ACBD6: variants seen among roughly 807,000 people sequenced by gnomAD.
ACBD6 encodes the protein acyl-CoA-binding domain-containing protein 6.
Under a neutral mutation model 37.2 loss-of-function variants are expected in ACBD6, and 28 were observed. That is an observed-to-expected ratio of 0.75 (90% CI 0.56 to 1.03). The LOEUF (loss-of-function observed/expected upper bound fraction) is 1.03. Ranked by LOEUF, ACBD6 falls within the 50% of genes least tolerant of loss-of-function variation. The probability of loss-of-function intolerance (pLI) is 0.00; values close to 1 mark genes in which losing one functional copy is unlikely to be tolerated. For missense variants in ACBD6, 340 were observed against 337.4 expected, an observed-to-expected ratio of 1.01 and a Z score of -0.06; for synonymous variants, 113 against 126.8, an observed-to-expected ratio of 0.89 and a Z score of 0.73.
chr1:180,445,612 TA>T (rs1406866870), intron 3 of ACBD6, among the ~76,000 whole-genome samples: 2 of 152,082 alleles, frequency 1.3e-5, no homozygotes, highest in Admixed American at 6.5e-5. Flanking sequence ...TCAAAAATAT[TA>T]AAAACTGAAT....
intron 5 of ACBD6, among the ~76,000 whole-genome samples, chr1:180,408,509 G>A (rs2101966893): frequency 6.6e-6 from 1 of 152,142 alleles, no homozygotes; most frequent in East Asian, 1.9e-4. Context: ...TCACACTCTG[G>A]GGACTGTTGT....
At chr1:180,351,536 A>G (rs6687873) in intron 6 of ACBD6, among the ~76,000 whole-genome samples, 142,013 of 150,632 alleles carry the variant, frequency 0.94, 66,983 homozygotes, top group East Asian at 0.98. Flanking sequence ...GCCTCCCAAA[A>G]TGCTGGAATT....
intron 11 of ACBD6, chr1:180,273,897 G>C (rs543714610): frequency 1.5e-5 from 7 of 463,474 alleles, no homozygotes; most frequent in Middle Eastern, 5.9e-4. Flanking sequence ...AGTGTAGCCA[G>C]AGTATTAGTA....
intron 5 of ACBD6, among the ~76,000 whole-genome samples, chr1:180,400,045 A>G (rs1647291621): frequency 6.6e-6 from 1 of 152,160 alleles, no homozygotes; most frequent in African/African-American, 2.4e-5. Context: ...ACGTTCCTGA[A>G]TTTTCCTTAG....
intron 4 of ACBD6, among the ~76,000 whole-genome samples, chr1:180,416,672 A>T (rs1234575935): frequency 1.3e-5 from 2 of 152,188 alleles, no homozygotes; most frequent in Non-Finnish European, 2.9e-5. Context: ...TCCTGAAGGA[A>T]TAATCACTGG....
In ACBD6 at chr1:180,452,072, G is replaced by A. The variant is rs1298572215; in HGVS notation, c.385-21810C>T. 7.9e-5 allele frequency among the ~76,000 whole-genome samples: 12 copies of A among 152,202 alleles called. No homozygotes were observed. The East Asian group carries it at 9.6e-4, about 12-fold the overall frequency. On this transcript the variant is annotated intron_variant, in intron 3 of 7. Transcript: ENST00000367595. Reference sequence around the variant, plus strand: ...AAAACAGTGAGAACAAAGACACAACGTACCAAAATCTCTGGGACACAGCTA... The same window carrying A: ...AAAACAGTGAGAACAAAGACACAACATACCAAAATCTCTGGGACACAGCTA...
At chr1:180,293,747 T>C (rs576945553) in intron 7 of ACBD6, among the ~76,000 whole-genome samples, 1 of 152,306 alleles carries the variant, frequency 6.6e-6, no homozygotes, top group Non-Finnish European at 1.5e-5. Flanking sequence ...TATTTTTGTT[T>C]TTTTTTAAGA....
intron 6 of ACBD6, among the ~76,000 whole-genome samples, chr1:180,343,392 A>G (rs1652052886): frequency 6.6e-6 from 1 of 152,216 alleles, no homozygotes; most frequent in African/African-American, 2.4e-5. Context: ...AGGAAAGGCA[A>G]GAAGTACCCA....
intron 6 of ACBD6, among the ~76,000 whole-genome samples, chr1:180,383,467 A>C (rs1653735360): frequency 1.3e-5 from 2 of 152,172 alleles, no homozygotes. Flanking sequence ...CCTGGGAATA[A>C]ATTTAACCAA....
At chr1:180,451,593 CT>C (rs1649708181) in intron 3 of ACBD6, among the ~76,000 whole-genome samples, 1 of 152,086 alleles carries the variant, frequency 6.6e-6, no homozygotes, top group African/African-American at 2.4e-5. Context: ...AAAGAACACC[CT>C]GAAAACATAC....
At position 180,431,766 on chromosome 1, in the gene ACBD6, C is replaced by T. The variant is rs570428349; in HGVS notation, c.385-1504G>A. ...AAACTAAAAATGAGAAAACTGGATA[C>T]GAAAGGAAAAAAAATAGAGATAGAA... On this transcript the variant is annotated intron_variant, in intron 3 of 7. Coordinates refer to ENST00000367595, the MANE Select transcript of ACBD6 (RefSeq NM_032360.4). Among the ~76,000 whole-genome samples, 172 of 151,254 alleles carry T rather than the reference C, an allele frequency of 1.1e-3. 1 individual carries two copies. The highest frequency in any genetic ancestry group is 3.4e-3 in the Middle Eastern group (1 of 292).
At chr1:180,440,355 C>T (rs550248626) in intron 3 of ACBD6, among the ~76,000 whole-genome samples, 5 of 152,142 alleles carry the variant, frequency 3.3e-5, no homozygotes, top group Non-Finnish European at 7.4e-5. Flanking sequence ...GTGATCTGCC[C>T]ATCTCAGCCT....
At chr1:180,467,464 A>AC (rs1234729629) in intron 3 of ACBD6, among the ~76,000 whole-genome samples, 3 of 150,028 alleles carry the variant, frequency 2.0e-5, no homozygotes, top group Admixed American at 1.3e-4. Context: ...AAAAAAAAAA[A>AC]AAAAAAAACA....
intron 6 of ACBD6, among the ~76,000 whole-genome samples, chr1:180,356,034 A>AT (rs35274094): frequency 0.54 from 80,572 of 149,342 alleles, 24,302 homozygotes; most frequent in South Asian, 0.75. Flanking sequence ...CGCCCGGCTA[A>AT]TTTTTTTTTT....
intron 5 of ACBD6, among the ~76,000 whole-genome samples, chr1:180,403,502 A>G (rs2101960213): frequency 6.6e-6 from 1 of 152,340 alleles, no homozygotes; most frequent in East Asian, 1.9e-4. Context: ...GCATAGTAAA[A>G]TATTAATGGT....
intron 6 of ACBD6, among the ~76,000 whole-genome samples, chr1:180,327,619 A>T (rs1651304255): frequency 6.6e-6 from 1 of 152,180 alleles, no homozygotes; most frequent in South Asian, 2.1e-4. Flanking sequence ...TCAGTTTATT[A>T]TTTAAACCAA....
chr1:180,333,695 GT>G (rs1651577789), intron 6 of ACBD6, among the ~76,000 whole-genome samples: 1 of 152,206 alleles, frequency 6.6e-6, no homozygotes, highest in Non-Finnish European at 1.5e-5. Context: ...CGCACTGAGC[GT>G]GAGCCAAAGC....
At chr1:180,312,031 T>C (rs192517140) in intron 7 of ACBD6, among the ~76,000 whole-genome samples, 6 of 152,338 alleles carry the variant, frequency 3.9e-5, no homozygotes. Context: ...TCCTTCTTTC[T>C]TGTTTTTCTT....
At chr1:180,446,409 C>G (rs530130076) in intron 3 of ACBD6, among the ~76,000 whole-genome samples, 11 of 152,088 alleles carry the variant, frequency 7.2e-5, no homozygotes, top group Non-Finnish European at 1.6e-4. Context: ...ATAAATTATG[C>G]ATAATTTAGT....
Sources: allele counts gnomAD v4.1 joint callset (sites outside exome capture counted in the v4.1 genomes callset), GRCh38; gene constraint gnomAD v4.1.1; transcripts MANE v1.5; gene names NCBI Gene and HGNC (gene_info 2026-07-23, HGNC 2026-07-21).